KDM4B: variants seen among roughly 807,000 people sequenced by gnomAD.
KDM4B encodes lysine-specific demethylase 4B.
In KDM4B, 32 loss-of-function variants were observed where a neutral mutation model predicts 125.2. The observed-to-expected ratio is 0.26, with a 90% CI of 0.19 to 0.34. The LOEUF is 0.34. Among genes scored for constraint, KDM4B ranks in the 10% least tolerant of loss-of-function variants. The pLI, the probability that KDM4B is intolerant of heterozygous loss-of-function variation, is 1.00. For missense variants in KDM4B, 1,190 were observed against 1,577.7 expected (o/e 0.75, Z 4.16); for synonymous variants, 721 against 677.9 (o/e 1.06, Z -0.99).
intron 11 of KDM4B, among the ~76,000 whole-genome samples, chr19:5,126,744 G>T (rs993219391): frequency 6.6e-6 from 1 of 152,248 alleles, no homozygotes; most frequent in South Asian, 2.1e-4. Context: ...GGACCGTCAG[G>T]CGCACCCGGC....
At position 5,115,698 on chromosome 19, in the gene KDM4B, G is replaced by C. The variant is rs907733218; in HGVS notation, c.1116-3955G>C. Among the ~76,000 whole-genome samples, 1 of 152,270 alleles carries C rather than the reference G, an allele frequency of 6.6e-6. No homozygotes were observed. The highest frequency in any genetic ancestry group is 1.5e-5 in the Non-Finnish European group (1 of 68,056). On this transcript the variant is annotated intron_variant, in intron 10 of 22. Coordinates refer to ENST00000159111, the MANE Select transcript of KDM4B (RefSeq NM_015015.3). The surrounding 1 kb of genome is among the most constrained non-coding windows in gnomAD (Gnocchi z 4.2). ...GATGCAGTGAGTGCAGGGCCCTGGAGTGGGCCGGGACTTTGCATTATGGAA... is the reference window on the plus strand; with the variant it reads ...GATGCAGTGAGTGCAGGGCCCTGGACTGGGCCGGGACTTTGCATTATGGAA...
chr19:5,086,066 C>T (rs567842150), intron 9 of KDM4B, among the ~76,000 whole-genome samples: 6 of 152,256 alleles, frequency 3.9e-5, no homozygotes, highest in East Asian at 1.9e-4. Context: ...ATTTGCGTTT[C>T]GGGCCACTTT....
chr19:4,982,843 C>T (rs1343172147), intron 1 of KDM4B, among the ~76,000 whole-genome samples: 3 of 152,178 alleles, frequency 2.0e-5, no homozygotes, highest in Non-Finnish European at 2.9e-5. Flanking sequence ...AAACTCCTGA[C>T]CTCGTGATCT....
chr19:5,048,201 G>T (rs1049948671), intron 6 of KDM4B, among the ~76,000 whole-genome samples: 1 of 152,220 alleles, frequency 6.6e-6, no homozygotes, highest in African/African-American at 2.4e-5. Context: ...GGGAGGTGCC[G>T]GGTGCAGCGT....
chr19:5,041,251 C>T lies in KDM4B; in HGVS notation c.432C>T (p.Asp144=), dbSNP rs140063768. The change falls in exon 5 of 23, where the codon GAC becomes GAT. Residue 144 remains aspartate (D), a splice_region_variant and synonymous_variant. Transcript: ENST00000159111. ...GADISGSLYD[D]DVAQWNIGSL... is the part of the protein sequence containing the mutation. ...ACATCAGCGGCTCTTTGTATGATGA[C>T]GTAAGTATGAGGCTCCGGGGAAGAA... 138 of 1,608,698 alleles carry T rather than the reference C, an allele frequency of 8.6e-5. No homozygotes were observed. In the Middle Eastern group the frequency reaches 1.2e-3, roughly 13 times the overall value.
chr19:5,084,327 G>A (rs1235113484), intron 9 of KDM4B, among the ~76,000 whole-genome samples: 1 of 142,978 alleles, frequency 7.0e-6, no homozygotes. Flanking sequence ...TTTATATATT[G>A]TATATAATTT....
At chr19:5,026,104 C>G (rs1263111627) in intron 2 of KDM4B, among the ~76,000 whole-genome samples, 1 of 151,270 alleles carries the variant, frequency 6.6e-6, no homozygotes, top group Non-Finnish European at 1.5e-5. Flanking sequence ...TGTCTTGAGC[C>G]CCGAATAAAG....
chr19:5,148,729 C>T (rs986457935), intron 21 of KDM4B, among the ~76,000 whole-genome samples: 3 of 152,348 alleles, frequency 2.0e-5, no homozygotes, highest in South Asian at 2.1e-4. Context: ...CGTGGCAAAG[C>T]GGAGCCTGGC....
chr19:5,096,291 G>C (rs2038820990), intron 9 of KDM4B, among the ~76,000 whole-genome samples: 1 of 152,044 alleles, frequency 6.6e-6, no homozygotes, highest in South Asian at 2.1e-4. Context: ...CTCCATGTTG[G>C]CCAGGCTGGT....
At chr19:5,004,694 G>A (rs974952108) in intron 1 of KDM4B, among the ~76,000 whole-genome samples, 3 of 152,098 alleles carry the variant, frequency 2.0e-5, no homozygotes, top group Non-Finnish European at 4.4e-5. Context: ...ACCCCCGTGC[G>A]GTGAGCGTGA....
At position 5,133,174 on chromosome 19, in the gene KDM4B, G is replaced by A. The variant is rs572648224; in HGVS notation, c.1907-709G>A. The stretch of plus-strand genomic sequence containing the variant: ...CAGGGAGGGGACGTGGGGAGATTGG[G>A]GTGCGGCAGCTGGCAATGGAGGCCA... On this transcript the variant is annotated intron_variant, in intron 13 of 22. Transcript: ENST00000159111. Among the ~76,000 whole-genome samples, 9 of 152,324 alleles carry A rather than the reference G, an allele frequency of 5.9e-5. No individual in the cohort carries two copies. The South Asian group carries it at 1.9e-3, about 32-fold the overall frequency.
chr19:5,134,235 T>C (rs1304855964), intron 14 of KDM4B, among the ~76,000 whole-genome samples, 174 bp downstream of exon 14: 2 of 152,076 alleles, frequency 1.3e-5, no homozygotes, highest in Non-Finnish European at 2.9e-5. Context: ...GGTCTCTGGG[T>C]TTTATTGGAA....
intron 2 of KDM4B, among the ~76,000 whole-genome samples, chr19:5,023,693 C>T (rs2036192551): frequency 6.6e-6 from 1 of 152,096 alleles, no homozygotes; most frequent in Non-Finnish European, 1.5e-5. Flanking sequence ...TCGAGGGAGC[C>T]CCCACACTTC....
intron 16 of KDM4B, 121 bp from the exon 17 acceptor site, chr19:5,137,500 G>A: frequency 1.6e-6 from 2 of 1,241,768 alleles, no homozygotes; most frequent in South Asian, 2.6e-5. Flanking sequence ...CGTCACTTTG[G>A]TGGCTGCTAG....
Position 5,086,398 on chromosome 19 carries a change from G to A in KDM4B, c.918+3894G>A, listed in dbSNP as rs532291129. On this transcript the variant is annotated intron_variant, in intron 9 of 22. Transcript: ENST00000159111. ...TTTACGTCTTCACAGGGTTGTGGGA[G>A]GAGGGCAATTAAAAGGATGTGTGAC... 5.0e-3 allele frequency among the ~76,000 whole-genome samples: 758 copies of A among 152,326 alleles called. 7 individuals carry two copies. The highest frequency in any genetic ancestry group is 0.018 in the African/African-American group (731 of 41,556).
At chr19:5,085,784 C>CG (rs897452421) in intron 9 of KDM4B, among the ~76,000 whole-genome samples, 2 of 152,114 alleles carry the variant, frequency 1.3e-5, no homozygotes, top group Non-Finnish European at 1.5e-5. Flanking sequence ...CTGTGGCCGT[C>CG]GGGGGGGTCG....
intron 2 of KDM4B, among the ~76,000 whole-genome samples, chr19:5,018,062 A>G (rs1452729269): frequency 6.6e-6 from 1 of 151,074 alleles, no homozygotes; most frequent in Admixed American, 6.6e-5. Context: ...TTTTTGAGGC[A>G]GGGTCTCACT....
chr19:5,085,591 G>A (rs1405666256), intron 9 of KDM4B, among the ~76,000 whole-genome samples: 1 of 152,252 alleles, frequency 6.6e-6, no homozygotes, highest in South Asian at 2.1e-4. Flanking sequence ...GTCAGGCGGC[G>A]TAGCAAGTGG....
intron 6 of KDM4B, among the ~76,000 whole-genome samples, chr19:5,066,774 G>C (rs941849376): frequency 6.6e-6 from 1 of 152,196 alleles, no homozygotes; most frequent in Non-Finnish European, 1.5e-5. Flanking sequence ...ATGCGGAGCC[G>C]AGTTTCTATG....
Sources: allele counts gnomAD v4.1 joint callset (sites outside exome capture counted in the v4.1 genomes callset), GRCh38; gene constraint gnomAD v4.1.1; non-coding constraint Gnocchi (gnomAD v3.1); transcripts MANE v1.5; gene names NCBI Gene and HGNC (gene_info 2026-07-23, HGNC 2026-07-21).